The following CCAR2 variants were observed in gnomAD, a reference collection of about 807,000 sequenced individuals.
The protein encoded by CCAR2 is cell cycle and apoptosis regulator protein 2.
In CCAR2, 21 loss-of-function variants were observed where a neutral mutation model predicts 108.1. The ratio of observed to expected loss-of-function variants is 0.19; its 90% CI spans 0.14 to 0.28. CCAR2 has a LOEUF of 0.28. CCAR2 is among the 10% of genes least tolerant of loss of function. The pLI is 1.00. For missense variants in CCAR2, 1,126 were observed against 1,177.0 expected (o/e 0.96, Z 0.63); for synonymous variants, 577 against 472.8 (o/e 1.22, Z -2.86).
chr8:22,617,927 C>T (rs1348102479), intron 16 of CCAR2, 149 bp downstream of exon 16: 11 of 742,946 alleles, frequency 1.5e-5, no homozygotes, highest in African/African-American at 5.3e-5. Context: ...TGGAAGGGCA[C>T]GTTCATAGGC....
chr8:22,609,961 T>G (rs892600654), intron 7 of CCAR2, among the ~76,000 whole-genome samples: 1 of 135,700 alleles, frequency 7.4e-6, no homozygotes, highest in Non-Finnish European at 1.7e-5. Context: ...AGTGCTGACA[T>G]GGCACTCAAA....
In CCAR2 at chr8:22,608,078, T is replaced by C. The variant is rs201618737; in HGVS notation, c.584+13T>C. ...ATCAGGGCCGAAGGTAAGAGGATGA[T>C]GTCCCTTTTTTTGGCCACTTGTTGA... is the stretch of plus-strand genomic sequence containing the variant. On this transcript the variant is annotated intron_variant, in intron 7 of 20. Coordinates refer to ENST00000308511, the MANE Select transcript of CCAR2 (RefSeq NM_001393997.1). 94 of 1,602,014 alleles carry C rather than the reference T, an allele frequency of 5.9e-5. No homozygotes were observed. The highest frequency in any genetic ancestry group is 7.8e-5 in the Non-Finnish European group (91 of 1,172,942).
Position 22,620,192 on chromosome 8 carries a change from A to AATGGAGTCCATGCTAGAAAG in CCAR2, c.*512_*531dup. 1.3e-5 allele frequency: 2 copies of AATGGAGTCCATGCTAGAAAG among 158,174 alleles called. No individual in the cohort carries two copies. Among genetic ancestry groups the AATGGAGTCCATGCTAGAAAG allele is most frequent in the East Asian group, 3.7e-4 (2 of 5,378 alleles). The allele number at this position is 158,174 out of a possible 1,614,324, so 9.8% of individuals were successfully genotyped here. On this transcript the variant is annotated 3_prime_UTR_variant, in exon 21 of 21. Coordinates refer to ENST00000308511, the MANE Select transcript of CCAR2 (RefSeq NM_001393997.1). ...AAGGGTCTCCCTTGGCCATCACGGG[A>AATGGAGTCCATGCTAGAAAG]ATGGAGTCCATGCTAGAAAGAGCTC...
chr8:22,608,062 G>A lies in CCAR2; in HGVS notation c.581G>A (p.Arg194Gln), dbSNP rs1333139379. 13 of 1,611,828 alleles carry A rather than the reference G, an allele frequency of 8.1e-6. No individual in the cohort carries two copies. Among genetic ancestry groups the A allele is most frequent in the Admixed American group, 1.7e-5 (1 of 59,840 alleles). The change falls in exon 7 of 21, where the codon CGA (arginine) becomes CAA (glutamine). Residue 194 changes from arginine (R) to glutamine (Q), a missense_variant. Coordinates refer to ENST00000308511, the MANE Select transcript of CCAR2 (RefSeq NM_001393997.1). The part of the protein sequence containing the change: ...RGPHGRLDQG[R>Q]SDDYDSKKRK... The stretch of plus-strand genomic sequence containing the variant: ...CCTCATGGACGGTTGGATCAGGGCC[G>A]AAGGTAAGAGGATGATGTCCCTTTT...
Position 22,616,330 on chromosome 8 carries a change from CT to C in CCAR2, c.1845+83del. ...CCCCGGGCTCTGTTCCGAGCGCTTC[CT>C]GTGCCTTAGCTCATTCCCTGCACCC... On this transcript the variant is annotated intron_variant, in intron 14 of 20. Coordinates refer to ENST00000308511, the MANE Select transcript of CCAR2 (RefSeq NM_001393997.1). The C allele has an allele frequency of 5.2e-6, 7 of 1,341,790 alleles. 1 individual carries two copies. The highest frequency in any genetic ancestry group is 5.3e-6 in the Non-Finnish European group (5 of 949,632). 83.1% of individuals were successfully genotyped at this position (1,341,790 alleles called of 1,614,324 possible).
At chr8:22,605,542 A>G (rs1801036088) in intron 1 of CCAR2, 194 bp from the exon 2 acceptor site, 2 of 572,254 alleles carry the variant, frequency 3.5e-6, no homozygotes, top group Non-Finnish European at 6.2e-6. Flanking sequence ...GGTTATTGTC[A>G]GGGCAAACTG....
Position 22,617,416 on chromosome 8 carries a change from G to A in CCAR2, c.1846-4G>A, listed in dbSNP as rs201703695. The A allele has an allele frequency of 6.5e-6, 10 of 1,535,518 alleles. No individual in the cohort carries two copies. Among genetic ancestry groups the A allele is most frequent in the Non-Finnish European group, 8.7e-6 (10 of 1,143,488 alleles). ...TTCCTTATAACCTTTGTCTGCCTCT[G>A]TAGAAGGAGGATGGGCTTTTGCCCA... is the stretch of plus-strand genomic sequence containing the variant. On this transcript the variant is annotated splice_region_variant and splice_polypyrimidine_tract_variant and intron_variant, in intron 14 of 20. Coordinates refer to ENST00000308511, the MANE Select transcript of CCAR2 (RefSeq NM_001393997.1).
intron 8 of CCAR2, chr8:22,613,868 C>T: frequency 1.8e-6 from 1 of 557,450 alleles, no homozygotes; most frequent in South Asian, 2.4e-5. Context: ...ATTTCTCTGT[C>T]ATGTGTTATA....
chr8:22,606,480 C>T (rs2117410917), intron 3 of CCAR2, 127 bp from the exon 4 acceptor site: 2 of 753,830 alleles, frequency 2.7e-6, no homozygotes, highest in South Asian at 3.2e-5. Flanking sequence ...ACCTGTACTT[C>T]ACTCTGTGCG....
chr8:22,617,551 A>G lies in CCAR2; in HGVS notation c.1977A>G (p.Gly659=), dbSNP rs1554562441. The stretch of plus-strand genomic sequence containing the variant: ...AACTGTTGCTTCTGAGGGATGATGG[A>G]GAGGAGGAGTTTGGTATGTTGAGTG... ...DPELLLLRDD[G]EEEFAGAKLE... is the part of the protein sequence containing the mutation. The change falls in exon 15 of 21, where the codon GGA becomes GGG. Residue 659 remains glycine (G), a synonymous_variant. Transcript: ENST00000308511. The G allele has an allele frequency of 1.9e-6, 3 of 1,599,630 alleles. No homozygotes were observed. The highest frequency in any genetic ancestry group is 1.7e-6 in the Non-Finnish European group (2 of 1,171,760).
intron 11 of CCAR2, 162 bp from the exon 12 acceptor site, chr8:22,615,263 T>C: frequency 1.0e-6 from 1 of 977,058 alleles, no homozygotes; most frequent in Non-Finnish European, 1.5e-6. Context: ...ACTGATCATT[T>C]CTTGAGGACT....
At chr8:22,616,713 G>A (rs1387976451) in intron 14 of CCAR2, 1 of 169,282 alleles carries the variant, frequency 5.9e-6, no homozygotes, top group African/African-American at 2.4e-5. Context: ...CTACTCGGGA[G>A]GCTGAGGCAG....
rs1272896289 is a variant in CCAR2, at chr8:22,606,008, A to G, written c.59-77A>G. 2.1e-6 allele frequency: 3 copies of G among 1,406,970 alleles called. No homozygotes were observed. In the East Asian group the frequency reaches 6.8e-5, roughly 32 times the overall value. 87.2% of individuals were successfully genotyped at this position (1,406,970 alleles called of 1,614,324 possible). On this transcript the variant is annotated intron_variant, in intron 2 of 20. Coordinates refer to ENST00000308511, the MANE Select transcript of CCAR2 (RefSeq NM_001393997.1). ...AGCTGGCTGGAGCTGTAGCCTTTGG[A>G]TTTACCACATCCTTTGGTTGACTCG...
Position 22,617,539 on chromosome 8 carries a change from G to A in CCAR2, c.1965G>A (p.Leu655=), listed in dbSNP as rs775829911. ...EMALDPELLL[L]RDDGEEEFAG... ...CCCTGGACCCAGAACTGTTGCTTCT[G>A]AGGGATGATGGAGAGGAGGAGTTTG... The change falls in exon 15 of 21, where the codon CTG becomes CTA. Residue 655 remains leucine, a synonymous_variant. Coordinates refer to ENST00000308511, the MANE Select transcript of CCAR2 (RefSeq NM_001393997.1). 2.5e-6 allele frequency: 4 copies of A among 1,601,634 alleles called. No homozygotes were observed. Among genetic ancestry groups the A allele is most frequent in the Admixed American group, 3.4e-5 (2 of 58,248 alleles).
intron 14 of CCAR2, chr8:22,616,527 A>T: frequency 4.2e-6 from 2 of 480,160 alleles, no homozygotes; most frequent in Non-Finnish European, 7.5e-6. Flanking sequence ...TTAACTAGAA[A>T]ATTTTGTAGG....
chr8:22,615,122 C>T, intron 11 of CCAR2, 121 bp downstream of exon 11: 2 of 1,309,232 alleles, frequency 1.5e-6, no homozygotes, highest in East Asian at 2.5e-5. Flanking sequence ...CCCGTTCCTT[C>T]CCCCTCTGGT....
At chr8:22,618,121 C>G in intron 16 of CCAR2, 1 of 612,404 alleles carries the variant, frequency 1.6e-6, no homozygotes, top group Non-Finnish European at 2.9e-6. Context: ...GCTGTGTTGC[C>G]CAGGCTGGAG....
chr8:22,615,634 T>C (rs769229672), intron 12 of CCAR2, 38 bp downstream of exon 12: 19 of 1,613,318 alleles, frequency 1.2e-5, no homozygotes, highest in Admixed American at 6.7e-5. Flanking sequence ...GGGATATAGG[T>C]GGCCTAATCC....
chr8:22,615,078 C>T (rs1246809810), intron 11 of CCAR2, 77 bp downstream of exon 11: 3 of 1,441,488 alleles, frequency 2.1e-6, no homozygotes, highest in East Asian at 2.5e-5. Flanking sequence ...CCGGTCCCTG[C>T]CCCTTTCTGC....
Sources: gnomAD v4.1 joint callset for allele counts (sites outside exome capture counted in the v4.1 genomes callset) on GRCh38, gnomAD v4.1.1 for gene constraint, MANE v1.5 for transcripts, NCBI Gene and HGNC (gene_info 2026-07-23, HGNC 2026-07-21) for gene names.